HCRTR2: variants seen among roughly 807,000 people sequenced by gnomAD.
The protein encoded by HCRTR2 is hypocretin receptor 2.
In HCRTR2, 22 loss-of-function variants were observed where a neutral mutation model predicts 49.0. The ratio of observed to expected loss-of-function variants is 0.45; its 90% CI spans 0.32 to 0.64. The LOEUF (loss-of-function observed/expected upper bound fraction) is 0.64. Among genes scored for constraint, HCRTR2 ranks in the 30% least tolerant of loss-of-function variants. The pLI, the probability that HCRTR2 is intolerant of heterozygous loss-of-function variation, is 0.04. For synonymous variants in HCRTR2, 236 were observed against 205.3 expected (o/e 1.15, Z -1.28); for missense variants, 491 against 559.4 (o/e 0.88, Z 1.23).
chr6:55,180,974 T>TTC (rs1765123719), intron 1 of HCRTR2, among the ~76,000 whole-genome samples: 1 of 150,934 alleles, frequency 6.6e-6, no homozygotes, highest in Admixed American at 6.6e-5. Context: ...TATTTTTTTT[T>TTC]TTTTTTGTAT....
chr6:55,159,264 T>C (rs1764772620), intron 1 of HCRTR2, among the ~76,000 whole-genome samples: 1 of 109,016 alleles, frequency 9.2e-6, no homozygotes, highest in South Asian at 3.5e-4. Context: ...AGCATCAACA[T>C]CAAAAAAACA....
At chr6:55,253,218 GCAACACA>G (rs554198907) in intron 2 of HCRTR2, among the ~76,000 whole-genome samples, 2 of 142,056 alleles carry the variant, frequency 1.4e-5, no homozygotes, top group Non-Finnish European at 3.1e-5. Context: ...ACACACACAC[GCAACACA>G]CAACACACAA....
At position 55,146,828 on chromosome 6, in the gene HCRTR2, G is replaced by A. The variant is rs150673693; in HGVS notation, c.-377-27383G>A. ...GGCCCATGATGTTTCTGCTTATCTA[G>A]CAAGCTCCAAGGTGATTCCAATGCT... is the stretch of plus-strand genomic sequence containing the variant. On this transcript the variant is annotated intron_variant, in intron 1 of 7. Coordinates refer to the HCRTR2 transcript ENST00000615358. Among the ~76,000 whole-genome samples the A allele has an allele frequency of 6.4e-3, 976 of 152,184 alleles. 11 individuals are homozygous for A. Among genetic ancestry groups the A allele is most frequent in the African/African-American group, 0.022 (896 of 41,520 alleles).
chr6:55,181,582 C>T (rs987559371), intron 1 of HCRTR2, among the ~76,000 whole-genome samples: 1 of 151,876 alleles, frequency 6.6e-6, no homozygotes, highest in Non-Finnish European at 1.5e-5. Context: ...GATATTTGTC[C>T]ATATTCTCTC....
At position 55,255,276 on chromosome 6, in the gene HCRTR2, C is replaced by T; in HGVS notation, c.543C>T (p.Cys181=). Residue 181 remains cysteine, a synonymous_variant, in exon 3 of 7, where the codon TGC becomes TGT. Transcript: ENST00000370862. The part of the protein sequence containing the change: ...NSIVIIWIVS[C]IIMIPQAIVM... ...TTGTCATCATCTGGATTGTCTCCTG[C>T]ATTATAATGATTCCTCAGGCCATCG... is the stretch of plus-strand genomic sequence containing the variant. The T allele has an allele frequency of 6.2e-7, 1 of 1,614,022 alleles. No individual in the cohort carries two copies. The highest frequency in any genetic ancestry group is 8.5e-7 in the Non-Finnish European group (1 of 1,179,966).
chr6:55,221,737 T>C lies in HCRTR2; in HGVS notation c.224-26902T>C, dbSNP rs550824261. On this transcript the variant is annotated intron_variant, in intron 1 of 6. Coordinates refer to ENST00000370862, the MANE Select transcript of HCRTR2 (RefSeq NM_001384272.1). ...CTGAGGCAGGAGAATGGCGTGAACCTCAGAGGCAGAGCTTGCAGTGAGGTG... is the reference window on the plus strand; with the variant it reads ...CTGAGGCAGGAGAATGGCGTGAACCCCAGAGGCAGAGCTTGCAGTGAGGTG... 1.8e-4 allele frequency among the ~76,000 whole-genome samples: 27 copies of C among 150,358 alleles called. 1 individual carries two copies. The South Asian group carries it at 4.4e-3, about 25-fold the overall frequency.
chr6:55,140,941 G>C (rs1764497760), intron 1 of HCRTR2, among the ~76,000 whole-genome samples: 1 of 152,176 alleles, frequency 6.6e-6, no homozygotes, highest in Non-Finnish European at 1.5e-5. Flanking sequence ...GCCTGAGTTA[G>C]AATCCCCATG....
intron 4 of HCRTR2, among the ~76,000 whole-genome samples, chr6:55,267,610 G>A (rs915612611): frequency 6.6e-6 from 1 of 151,902 alleles, no homozygotes. Context: ...CATTTATTAA[G>A]CACGTACTCT....
At chr6:55,183,894 G>C (rs971043721) in intron 1 of HCRTR2, among the ~76,000 whole-genome samples, 5 of 151,902 alleles carry the variant, frequency 3.3e-5, no homozygotes, top group African/African-American at 1.2e-4. Flanking sequence ...TTGTTTTGCT[G>C]AATATTTAAA....
chr6:55,250,296 A>T (rs1766524910), intron 2 of HCRTR2, among the ~76,000 whole-genome samples: 1 of 152,102 alleles, frequency 6.6e-6, no homozygotes, highest in Non-Finnish European at 1.5e-5. Flanking sequence ...CTCATAGAGG[A>T]AAAGTTAGTA....
At chr6:55,225,810 T>C (rs932502538) in intron 1 of HCRTR2, among the ~76,000 whole-genome samples, 30 of 152,232 alleles carry the variant, frequency 2.0e-4, no homozygotes, top group Admixed American at 1.4e-3. Context: ...ATAATTTCCA[T>C]CAACTCCTTT....
chr6:55,200,796 T>C (rs1206240153), intron 1 of HCRTR2, among the ~76,000 whole-genome samples: 1 of 152,220 alleles, frequency 6.6e-6, no homozygotes, highest in Non-Finnish European at 1.5e-5. Context: ...TCTTATTTTG[T>C]ATAATAGCTT....
chr6:55,232,975 A>G (rs1223865998), intron 1 of HCRTR2, among the ~76,000 whole-genome samples: 3 of 152,218 alleles, frequency 2.0e-5, no homozygotes, highest in Non-Finnish European at 4.4e-5. Flanking sequence ...TTTTTACACA[A>G]TTCTAGATTC....
intron 1 of HCRTR2, among the ~76,000 whole-genome samples, chr6:55,128,756 G>A (rs544970958): frequency 6.6e-6 from 1 of 151,996 alleles, no homozygotes; most frequent in Non-Finnish European, 1.5e-5. Context: ...GACATTTTAG[G>A]TGTAATCAGT....
chr6:55,217,663 A>T (rs3134710), intron 1 of HCRTR2, among the ~76,000 whole-genome samples: 52,650 of 151,902 alleles, frequency 0.35, 10,205 homozygotes, highest in African/African-American at 0.53. Context: ...ATTGTCTATA[A>T]GTTTACTAGT....
intron 1 of HCRTR2, among the ~76,000 whole-genome samples, chr6:55,230,160 A>G (rs546275351): frequency 6.6e-6 from 1 of 152,336 alleles, no homozygotes; most frequent in South Asian, 2.1e-4. Context: ...CAGGATATGA[A>G]TAGACTGAGA....
chr6:55,135,857 G>C (rs1764426810), intron 1 of HCRTR2, among the ~76,000 whole-genome samples: 1 of 152,126 alleles, frequency 6.6e-6, no homozygotes. Context: ...AAGGACCGCA[G>C]TAGCGTTGCT....
At chr6:55,203,496 A>G (rs1445850664) in intron 1 of HCRTR2, among the ~76,000 whole-genome samples, 1 of 152,212 alleles carries the variant, frequency 6.6e-6, no homozygotes, top group East Asian at 1.9e-4. Flanking sequence ...GGGTTGAGAA[A>G]CAATAAGAAC....
downstream of HCRTR2, among the ~76,000 whole-genome samples, chr6:55,283,176 A>G (rs1165529013): frequency 3.9e-5 from 6 of 152,320 alleles, no homozygotes; most frequent in East Asian, 1.2e-3. Flanking sequence ...TATTCTTTTA[A>G]CAACAACAAC....
Sources: allele counts gnomAD v4.1 joint callset (sites outside exome capture counted in the v4.1 genomes callset), GRCh38; gene constraint gnomAD v4.1.1; transcripts MANE v1.5; gene names NCBI Gene and HGNC (gene_info 2026-07-23, HGNC 2026-07-21).